PDE4B: variants seen among roughly 807,000 people sequenced by gnomAD.
The protein encoded by PDE4B is 3',5'-cyclic-AMP phosphodiesterase 4B.
Under a neutral mutation model 82.2 loss-of-function variants are expected in PDE4B, and 20 were observed. The observed-to-expected ratio is 0.24, with a 90% CI of 0.17 to 0.35. The LOEUF is 0.35. PDE4B is among the 10% of genes least tolerant of loss of function. The pLI is 1.00. For synonymous variants in PDE4B, 320 were observed against 318.9 expected, an observed-to-expected ratio of 1.00 and a Z score of -0.04; for missense variants, 655 against 907.2, an observed-to-expected ratio of 0.72 and a Z score of 3.57.
At position 66,229,401 on chromosome 1, in the gene PDE4B, G is replaced by A. The variant is rs371874215; in HGVS notation, c.282-18059G>A. ...AGAGCAGGACATAAAGATTGTGTGA[G>A]CCTTTAAGGCAGCCACTTCAGTGTT... On this transcript the variant is annotated intron_variant, in intron 3 of 16. Transcript: ENST00000341517. Among the ~76,000 whole-genome samples the A allele has an allele frequency of 6.6e-5, 10 of 152,336 alleles. No individual in the cohort carries two copies. The East Asian group carries it at 1.2e-3, about 18-fold the overall frequency.
chr1:66,149,654 G>A (rs1005108960), intron 3 of PDE4B, among the ~76,000 whole-genome samples: 2 of 152,122 alleles, frequency 1.3e-5, no homozygotes, highest in African/African-American at 4.8e-5. Flanking sequence ...AGGAATTTGA[G>A]ATCAGCCTGG....
At chr1:66,294,597 A>G (rs1461846154) in intron 7 of PDE4B, among the ~76,000 whole-genome samples, 1 of 152,208 alleles carries the variant, frequency 6.6e-6, no homozygotes, top group Non-Finnish European at 1.5e-5. Flanking sequence ...CAAACAGGTC[A>G]GTAAAAGAGA....
At chr1:66,245,675 C>G (rs1653257706) in intron 3 of PDE4B, among the ~76,000 whole-genome samples, 1 of 152,254 alleles carries the variant, frequency 6.6e-6, no homozygotes, top group Non-Finnish European at 1.5e-5. Flanking sequence ...CTTTGAAAGG[C>G]AGCCCCATCC....
intron 12 of PDE4B, among the ~76,000 whole-genome samples, chr1:66,364,523 G>T (rs1425144107): frequency 6.6e-6 from 1 of 152,140 alleles, no homozygotes; most frequent in Non-Finnish European, 1.5e-5. Context: ...TGCAGGAAGA[G>T]ACTGGCCATG....
chr1:66,196,655 T>A (rs1425016513), intron 3 of PDE4B, among the ~76,000 whole-genome samples: 1 of 152,102 alleles, frequency 6.6e-6, no homozygotes, highest in Non-Finnish European at 1.5e-5. Context: ...TCATGTCCTT[T>A]GTAGGGACAT....
chr1:66,135,473 G>A lies in PDE4B; in HGVS notation c.282-111987G>A, dbSNP rs574865356. Among the ~76,000 whole-genome samples, 447 of 152,252 alleles carry A rather than the reference G, an allele frequency of 2.9e-3. 4 individuals carry two copies. The highest frequency in any genetic ancestry group is 0.01 in the African/African-American group (432 of 41,490). ...CACACTGGCAATAAGAATAGAGTGT[G>A]AAGAATAGGGCAATGCTTGGAGATT... On this transcript the variant is annotated intron_variant, in intron 3 of 16. Coordinates refer to ENST00000341517, the MANE Select transcript of PDE4B (RefSeq NM_002600.4).
At chr1:66,355,313 G>A in intron 8 of PDE4B, 1 of 423,044 alleles carries the variant, frequency 2.4e-6, no homozygotes. Flanking sequence ...GTAATCAGAT[G>A]TTAATTCTAA....
In PDE4B at chr1:66,363,277, A is replaced by G; in HGVS notation, c.1119+11A>G. 1 of 1,578,596 alleles carries G rather than the reference A, an allele frequency of 6.3e-7. No homozygotes were observed. Among genetic ancestry groups the G allele is most frequent in the Non-Finnish European group, 8.7e-7 (1 of 1,151,674 alleles). On this transcript the variant is annotated intron_variant, in intron 11 of 16. Coordinates refer to ENST00000341517, the MANE Select transcript of PDE4B (RefSeq NM_002600.4). ...TATGCTATATTCCAGGTGAGTGAACAGGAGTGAATACTGGCTTTCCAATTG... is the reference window on the plus strand; with the variant it reads ...TATGCTATATTCCAGGTGAGTGAACGGGAGTGAATACTGGCTTTCCAATTG...
At chr1:66,028,451 C>T (rs766785874) in intron 3 of PDE4B, among the ~76,000 whole-genome samples, 5 of 152,156 alleles carry the variant, frequency 3.3e-5, no homozygotes, top group Non-Finnish European at 5.9e-5. Flanking sequence ...GGCCTGGAGA[C>T]ATTTTCTCCA....
chr1:66,058,899 A>C (rs1016505978), intron 3 of PDE4B, among the ~76,000 whole-genome samples: 2 of 152,106 alleles, frequency 1.3e-5, no homozygotes, highest in East Asian at 1.9e-4. Context: ...TATTTACACA[A>C]ATTTTTGTAG....
intron 3 of PDE4B, among the ~76,000 whole-genome samples, chr1:66,143,993 C>T (rs367657837): frequency 6.6e-6 from 1 of 152,226 alleles, no homozygotes; most frequent in Non-Finnish European, 1.5e-5. Flanking sequence ...GAAAAATAAA[C>T]TTCTTATTTG....
chr1:65,911,970 T>A (rs749295992), intron 1 of PDE4B, among the ~76,000 whole-genome samples: 4 of 152,072 alleles, frequency 2.6e-5, no homozygotes, highest in Non-Finnish European at 5.9e-5. Context: ...GCTGTTAATC[T>A]ATATATATCT....
At chr1:66,243,832 C>A (rs1481138393) in intron 3 of PDE4B, among the ~76,000 whole-genome samples, 1 of 152,136 alleles carries the variant, frequency 6.6e-6, no homozygotes, top group Non-Finnish European at 1.5e-5. Context: ...GAAGGCAGAT[C>A]CAAGTGAGCA....
rs1171148432 is a variant in PDE4B, at chr1:65,800,624, AG to A, written c.-71+7377del. 3.3e-5 allele frequency among the ~76,000 whole-genome samples: 5 copies of A among 152,330 alleles called. No homozygotes were observed. In the South Asian group the frequency reaches 1.0e-3, roughly 32 times the overall value. The stretch of plus-strand genomic sequence containing the variant: ...CAGCATTATCATTTGGTGAAACTTC[AG>A]ATTAGTGGATATTGTTCGACAAAAC... On this transcript the variant is annotated intron_variant, in intron 1 of 16. Transcript: ENST00000341517.
At chr1:66,210,805 C>T (rs907234990) in intron 3 of PDE4B, among the ~76,000 whole-genome samples, 1 of 152,112 alleles carries the variant, frequency 6.6e-6, no homozygotes, top group Non-Finnish European at 1.5e-5. Flanking sequence ...GTTGCAGACA[C>T]TGCTGTCACA....
intron 1 of PDE4B, among the ~76,000 whole-genome samples, chr1:65,881,638 C>A (rs745654426): frequency 4.6e-5 from 7 of 152,094 alleles, no homozygotes; most frequent in Non-Finnish European, 8.8e-5. Flanking sequence ...CCAATACGAC[C>A]CACAATGGGC....
At chr1:66,062,358 TAGG>T (rs1655622752) in intron 3 of PDE4B, among the ~76,000 whole-genome samples, 1 of 152,164 alleles carries the variant, frequency 6.6e-6, no homozygotes, top group African/African-American at 2.4e-5. Flanking sequence ...GGAGGGTTTA[TAGG>T]AGATTACTTT....
At chr1:65,853,746 T>A (rs1296980154) in intron 1 of PDE4B, among the ~76,000 whole-genome samples, 1 of 152,088 alleles carries the variant, frequency 6.6e-6, no homozygotes, top group Non-Finnish European at 1.5e-5. Flanking sequence ...GCCAGAATGG[T>A]CTCAATCTCT....
chr1:66,078,354 G>A (rs114579140), intron 3 of PDE4B, among the ~76,000 whole-genome samples: 6 of 151,964 alleles, frequency 3.9e-5, no homozygotes, highest in East Asian at 3.9e-4. Flanking sequence ...ATGTCACCAC[G>A]CCTGGCTAAT....
Sources: allele counts gnomAD v4.1 joint callset (sites outside exome capture counted in the v4.1 genomes callset), GRCh38; gene constraint gnomAD v4.1.1; transcripts MANE v1.5; gene names NCBI Gene and HGNC (gene_info 2026-07-23, HGNC 2026-07-21).